PSD2: variants seen among roughly 807,000 people sequenced by gnomAD.
PSD2 encodes the protein PH and SEC7 domain-containing protein 2.
PSD2 carries 38 observed loss-of-function variants against 69.8 expected under a neutral mutation model. The ratio of observed to expected loss-of-function variants is 0.54; its 90% CI spans 0.42 to 0.71. The LOEUF (loss-of-function observed/expected upper bound fraction) is 0.71. Ranked by LOEUF, PSD2 falls within the 30% of genes least tolerant of loss-of-function variation. The pLI, the probability that PSD2 is intolerant of heterozygous loss-of-function variation, is 0.00. For synonymous variants in PSD2, 412 were observed against 423.0 expected (o/e 0.97, Z 0.32); for missense variants, 943 against 1,014.5 (o/e 0.93, Z 0.96).
rs758685491 is a variant in PSD2 at position 139,809,762 on chromosome 5, G to A, written c.322G>A (p.Asp108Asn). ...PWRAGVLAEG[D>N]NASRSLYPDA... ...GAGGGCTGGCGTGCTGGCAGAGGGG[G>A]ACAATGCTTCCAGGAGCCTCTACCC... The change falls in exon 2 of 15, where the codon GAC (aspartate) becomes AAC (asparagine). Residue 108 changes from aspartate (D) to asparagine (N), a missense_variant. By Grantham distance (23) the Asp-to-Asn change is conservative. This residue lies in a region of PSD2 where 466 missense variants were observed against 445.0 expected (regional missense o/e 1.05). Coordinates refer to ENST00000274710, the MANE Select transcript of PSD2 (RefSeq NM_032289.4). The A allele has an allele frequency of 3.5e-5, 56 of 1,614,108 alleles. No homozygotes were observed. Among genetic ancestry groups the A allele is most frequent in the Non-Finnish European group, 4.5e-5 (53 of 1,180,048 alleles).
At position 139,809,408 on chromosome 5, in the gene PSD2, G is replaced by C. The variant is rs1454809903; in HGVS notation, c.-33G>C. The C allele has an allele frequency of 3.8e-6, 6 of 1,598,684 alleles. No homozygotes were observed. In the Admixed American group the frequency reaches 1.1e-4, roughly 28 times the overall value. ...ACTGCCAGGTCTAGAGGAGTCCCAG[G>C]AGCAGCCAGGACAGGCGGAAGCAGT... On this transcript the variant is annotated 5_prime_UTR_variant, in exon 2 of 15. Coordinates refer to ENST00000274710, the MANE Select transcript of PSD2 (RefSeq NM_032289.4).
intron 7 of PSD2, among the ~76,000 whole-genome samples, chr5:139,827,845 C>T (rs1019855512): frequency 4.6e-5 from 7 of 152,200 alleles, no homozygotes; most frequent in African/African-American, 1.4e-4. Flanking sequence ...ATGATCCAAT[C>T]ACCTTCCTCC....
chr5:139,833,696 T>C lies in PSD2; in HGVS notation c.1270-6T>C. The C allele has an allele frequency of 6.2e-7, 1 of 1,610,864 alleles. No homozygotes were observed. Among genetic ancestry groups the C allele is most frequent in the South Asian group, 1.1e-5 (1 of 91,028 alleles). On this transcript the variant is annotated splice_region_variant and splice_polypyrimidine_tract_variant and intron_variant, in intron 7 of 14. Coordinates refer to ENST00000274710, the MANE Select transcript of PSD2 (RefSeq NM_032289.4). ...ACTCTTAGGCAGAACCATTTCTCCA[T>C]TACAGAACATTGGCAAAAAGATGTC...
the PSD2 span, among the ~76,000 whole-genome samples, chr5:139,775,814 A>T: frequency 6.6e-6 from 1 of 152,210 alleles, no homozygotes; most frequent in Non-Finnish European, 1.5e-5. Context: ...AATTATAGGC[A>T]TGCGCCACCA....
At chr5:139,823,056 A>G (rs926792427) in intron 7 of PSD2, among the ~76,000 whole-genome samples, 52 of 152,220 alleles carry the variant, frequency 3.4e-4, no homozygotes, top group African/African-American at 1.3e-3. Flanking sequence ...CCATGCTAAG[A>G]GATCATGTGC....
chr5:139,801,162 G>A (rs1349158816), intron 1 of PSD2, among the ~76,000 whole-genome samples: 2 of 149,954 alleles, frequency 1.3e-5, no homozygotes, highest in South Asian at 2.1e-4. Flanking sequence ...CTGAGATTGC[G>A]CCACTGCACT....
chr5:139,796,144 C>G (rs1279525233), intron 1 of PSD2, among the ~76,000 whole-genome samples, 169 bp downstream of exon 1: 3 of 152,164 alleles, frequency 2.0e-5, no homozygotes, highest in African/African-American at 7.2e-5. Context: ...TCCGCGGCGT[C>G]TGGAGCATCC....
chr5:139,815,762 G>C (rs1437500207), intron 4 of PSD2, among the ~76,000 whole-genome samples: 1 of 152,168 alleles, frequency 6.6e-6, no homozygotes, highest in Non-Finnish European at 1.5e-5. Flanking sequence ...GGGAGGCCGA[G>C]GTGGGCGGAT....
chr5:139,809,902 T>C, intron 2 of PSD2, 91 bp downstream of exon 2: 5 of 1,391,662 alleles, frequency 3.6e-6, no homozygotes, highest in Non-Finnish European at 4.9e-6. Flanking sequence ...CTCCGGTTCT[T>C]GTTTTTCTCA....
At chr5:139,746,316 A>C in the PSD2 span, 1 of 152,218 alleles carries the variant, frequency 6.6e-6, no homozygotes, top group Non-Finnish European at 1.5e-5. This position sits in a 1 kb window ranked among gnomAD's most constrained non-coding sequence, Gnocchi z 4.5. Flanking sequence ...CCATGTAAAT[A>C]ACGGCCCGCT....
At chr5:139,747,501 A>T in the PSD2 span, among the ~76,000 whole-genome samples, 3 of 151,984 alleles carry the variant, frequency 2.0e-5, no homozygotes, top group Non-Finnish European at 4.4e-5. The surrounding 1 kb of genome is among the most constrained non-coding windows in gnomAD (Gnocchi z 6.7). Context: ...CTCTGGGGAG[A>T]TCTGGGGCCG....
At chr5:139,831,848 T>C (rs1164324990) in intron 7 of PSD2, among the ~76,000 whole-genome samples, 1 of 152,248 alleles carries the variant, frequency 6.6e-6, no homozygotes, top group Admixed American at 6.5e-5. Context: ...AGTATTTTCT[T>C]TCTTAATTTC....
the PSD2 span, among the ~76,000 whole-genome samples, chr5:139,745,442 G>T: frequency 6.6e-6 from 1 of 152,220 alleles, no homozygotes; most frequent in East Asian, 1.9e-4. Context: ...ATGCTGAGTC[G>T]CCTGGGGAGG....
chr5:139,807,200 T>TA (rs1759830920), intron 1 of PSD2, among the ~76,000 whole-genome samples: 1 of 152,198 alleles, frequency 6.6e-6, no homozygotes. Context: ...TAGGTATGTG[T>TA]AGGGGAGCTT....
At chr5:139,759,301 C>T in the PSD2 span, among the ~76,000 whole-genome samples, 1 of 151,982 alleles carries the variant, frequency 6.6e-6, no homozygotes, top group African/African-American at 2.4e-5. Flanking sequence ...CGCCCGCGCG[C>T]GCTCTCTCTC....
the PSD2 span, among the ~76,000 whole-genome samples, chr5:139,744,097 T>C: frequency 5.3e-5 from 8 of 152,182 alleles, no homozygotes; most frequent in Non-Finnish European, 1.0e-4. Flanking sequence ...AAGTTGACCA[T>C]TGGAGGCCTG....
chr5:139,798,254 C>T (rs1759583309), intron 1 of PSD2, among the ~76,000 whole-genome samples: 1 of 152,196 alleles, frequency 6.6e-6, no homozygotes. Context: ...GGCCCATGTT[C>T]CTGCCCTGGT....
chr5:139,762,273 C>T, the PSD2 span, among the ~76,000 whole-genome samples: 1 of 151,840 alleles, frequency 6.6e-6, no homozygotes, highest in Non-Finnish European at 1.5e-5. Flanking sequence ...GAACTCCTAA[C>T]CTCAGGTGAT....
rs1275936426 is a variant in PSD2, at chr5:139,821,919, T to C, written c.1124T>C (p.Met375Thr). 23 of 1,608,698 alleles carry C rather than the reference T, an allele frequency of 1.4e-5. No homozygotes were observed. Among genetic ancestry groups the C allele is most frequent in the Non-Finnish European group, 1.8e-5 (21 of 1,177,352 alleles). Residue 375 changes from methionine to threonine, a missense_variant, in exon 6 of 15, where the codon ATG becomes ACG. By Grantham distance (81) the Met-to-Thr change is moderately conservative. Transcript: ENST00000274710. ...LRTFLKAFPL[M>T]GETQERERVL... ...ACATTCTTGAAGGCCTTCCCGCTGA[T>C]GGGGGAGACACAAGAGCGTGAGCGG...
Sources: gnomAD v4.1 joint callset for allele counts (sites outside exome capture counted in the v4.1 genomes callset) on GRCh38, gnomAD v4.1.1 for gene constraint, gnomAD v4.1.1 regional missense constraint, Gnocchi (gnomAD v3.1) non-coding constraint, MANE v1.5 for transcripts, NCBI Gene and HGNC (gene_info 2026-07-23, HGNC 2026-07-21) for gene names.